PTPN22: variants seen among roughly 807,000 people sequenced by gnomAD.
PTPN22 encodes protein tyrosine phosphatase non-receptor type 22.
In PTPN22, 85 loss-of-function variants were observed where a neutral mutation model predicts 103.3. That is an observed-to-expected ratio of 0.82 (90% CI 0.69 to 0.99). The LOEUF is 0.99. Among genes scored for constraint, PTPN22 ranks in the 50% least tolerant of loss-of-function variants. PTPN22 has a pLI of 0.00. For synonymous variants in PTPN22, 323 were observed against 310.2 expected, an observed-to-expected ratio of 1.04 and a Z score of -0.43; for missense variants, 865 against 936.9, an observed-to-expected ratio of 0.92 and a Z score of 1.00.
At chr1:113,862,958 A>C (rs144108014) in intron 1 of PTPN22, among the ~76,000 whole-genome samples, 2 of 152,284 alleles carry the variant, frequency 1.3e-5, no homozygotes, top group East Asian at 3.9e-4. Flanking sequence ...AAACTTATCG[A>C]GGTTAGTTTC....
intron 11 of PTPN22, among the ~76,000 whole-genome samples, chr1:113,847,477 G>A (rs1053139488): frequency 4.0e-5 from 6 of 148,308 alleles, no homozygotes; most frequent in Admixed American, 4.0e-4. Flanking sequence ...TTCAGTTTGA[G>A]ATCTTCCTGG....
chr1:113,855,270 AG>A (rs1664946495), intron 7 of PTPN22, among the ~76,000 whole-genome samples: 3 of 152,096 alleles, frequency 2.0e-5, no homozygotes, highest in Admixed American at 2.0e-4. Flanking sequence ...CGAAGCAGGC[AG>A]ATTACTTGAG....
At chr1:113,865,841 G>GT (rs759671546) in intron 1 of PTPN22, among the ~76,000 whole-genome samples, 2 of 152,166 alleles carry the variant, frequency 1.3e-5, no homozygotes, top group African/African-American at 4.8e-5. Context: ...GTCTCAGGAA[G>GT]TTTATATACT....
chr1:113,841,181 G>A (rs1439860418), intron 11 of PTPN22, among the ~76,000 whole-genome samples: 1 of 151,706 alleles, frequency 6.6e-6, no homozygotes, highest in Non-Finnish European at 1.5e-5. Context: ...CCAAGATCAC[G>A]CCATTGCACT....
chr1:113,855,810 G>A (rs1226927236), intron 7 of PTPN22, among the ~76,000 whole-genome samples: 1 of 152,190 alleles, frequency 6.6e-6, no homozygotes, highest in Non-Finnish European at 1.5e-5. Flanking sequence ...CAACTGGTAT[G>A]CCTCCAATGT....
intron 5 of PTPN22, 165 bp downstream of exon 5, chr1:113,857,573 G>GAAA (rs11386228): frequency 2.3e-5 from 12 of 511,388 alleles, no homozygotes; most frequent in South Asian, 6.0e-5. Flanking sequence ...ATTCTTAGGA[G>GAAA]AAAAAAAAAA....
At chr1:113,850,037 T>C (rs945031803) in intron 10 of PTPN22, among the ~76,000 whole-genome samples, 1 of 151,488 alleles carries the variant, frequency 6.6e-6, no homozygotes, top group African/African-American at 2.4e-5. Context: ...CCACTAAAAA[T>C]ACAAAAAAAA....
exon 2 of PTPN22, chr1:113,859,410 T>G (rs1214698064): frequency 6.2e-7 from 1 of 1,613,958 alleles, no homozygotes; most frequent in Non-Finnish European, 8.5e-7. Flanking sequence ...CAGCCACAGT[T>G]GTAGGATAGG....
At chr1:113,842,202 C>T (rs1243093908) in intron 11 of PTPN22, among the ~76,000 whole-genome samples, 4 of 151,138 alleles carry the variant, frequency 2.6e-5, no homozygotes, top group African/African-American at 4.9e-5. Flanking sequence ...AGAGCAAGAC[C>T]CTGACTAAAA....
At chr1:113,830,550 G>A (rs1662462223) in intron 16 of PTPN22, among the ~76,000 whole-genome samples, 1 of 152,130 alleles carries the variant, frequency 6.6e-6, no homozygotes, top group African/African-American at 2.4e-5. Context: ...CAAATCAAAT[G>A]AAATGCTTAG....
chr1:113,844,257 C>T (rs774339062), intron 11 of PTPN22, among the ~76,000 whole-genome samples: 5 of 152,180 alleles, frequency 3.3e-5, no homozygotes, highest in Non-Finnish European at 5.9e-5. Flanking sequence ...GAGTTCAAGA[C>T]CAGCCTGGCC....
intron 1 of PTPN22, among the ~76,000 whole-genome samples, chr1:113,865,063 G>A (rs1040730434): frequency 6.6e-6 from 1 of 152,032 alleles, no homozygotes; most frequent in African/African-American, 2.4e-5. Flanking sequence ...AAGCTGGAGA[G>A]ACACCATGTA....
Position 113,848,467 on chromosome 1 carries a change from A to G in PTPN22, c.915+73T>C, listed in dbSNP as rs1664284727. On this transcript the variant is annotated intron_variant, in intron 11 of 20. Coordinates refer to ENST00000359785, the Ensembl canonical transcript of PTPN22. ...AGTTGTGACAATAGATAAATCCTGC[A>G]ACAAATCTGACATCCCTTGACCAAA... is the stretch of plus-strand genomic sequence containing the variant. 2.5e-6 allele frequency: 4 copies of G among 1,601,642 alleles called. No individual in the cohort carries two copies. In the Admixed American group the frequency reaches 6.7e-5, roughly 27 times the overall value.
chr1:113,843,110 A>AAAAAAAAAAG (rs1195875096), intron 11 of PTPN22, among the ~76,000 whole-genome samples: 2 of 147,242 alleles, frequency 1.4e-5, no homozygotes. Flanking sequence ...AAAAAAAAAA[A>AAAAAAAAAAG]AAAAGAAAAC....
chr1:113,824,027 C>A (rs1216164687), intron 19 of PTPN22, among the ~76,000 whole-genome samples: 1 of 152,118 alleles, frequency 6.6e-6, no homozygotes, highest in Non-Finnish European at 1.5e-5. Context: ...CCCTATAGTA[C>A]CAGTTTAATG....
intron 11 of PTPN22, among the ~76,000 whole-genome samples, chr1:113,839,416 G>T (rs796358979): frequency 3.3e-5 from 5 of 150,924 alleles, no homozygotes; most frequent in African/African-American, 1.2e-4. Flanking sequence ...TTAAGTTAGG[G>T]TCTTATTCTG....
chr1:113,855,083 G>A (rs757452744), intron 7 of PTPN22, 34 bp from the exon 8 acceptor site: 5 of 1,565,302 alleles, frequency 3.2e-6, no homozygotes, highest in Non-Finnish European at 4.4e-6. Context: ...GGGGAAGAGG[G>A]GCAAGGGCTG....
chr1:113,816,480 A>G (rs1208190185), intron 20 of PTPN22, among the ~76,000 whole-genome samples: 1 of 151,694 alleles, frequency 6.6e-6, no homozygotes, highest in Admixed American at 6.6e-5. Context: ...CCTGGCACAT[A>G]GTAAGTACTC....
At chr1:113,863,844 C>G (rs1004705298) in intron 1 of PTPN22, among the ~76,000 whole-genome samples, 3 of 150,414 alleles carry the variant, frequency 2.0e-5, no homozygotes, top group African/African-American at 7.4e-5. Flanking sequence ...GCACCTAAAC[C>G]TGGCCTTCAG....
Sources: allele counts gnomAD v4.1 joint callset (sites outside exome capture counted in the v4.1 genomes callset), GRCh38; gene constraint gnomAD v4.1.1; transcripts MANE v1.5; gene names NCBI Gene and HGNC (gene_info 2026-07-23, HGNC 2026-07-21).